GNAL: variants seen among roughly 807,000 people sequenced by gnomAD.
GNAL encodes guanine nucleotide-binding protein G(olf) subunit alpha.
In GNAL, 18 loss-of-function variants were observed where a neutral mutation model predicts 55.1. That is an observed-to-expected ratio of 0.33 (90% CI 0.23 to 0.48). The LOEUF (loss-of-function observed/expected upper bound fraction) is 0.48. Among genes scored for constraint, GNAL ranks in the 20% least tolerant of loss-of-function variants. The pLI is 0.99. For synonymous variants in GNAL, 253 were observed against 237.0 expected (o/e 1.07, Z -0.62); for missense variants, 412 against 614.1 (o/e 0.67, Z 3.48).
intron 1 of GNAL, among the ~76,000 whole-genome samples, chr18:11,706,771 T>A (rs1217073361): frequency 6.6e-6 from 1 of 152,222 alleles, no homozygotes; most frequent in Non-Finnish European, 1.5e-5. Context: ...TAACATTGTA[T>A]CCTGAGATTG....
At chr18:11,779,857 C>T (rs1252002698) in intron 4 of GNAL, among the ~76,000 whole-genome samples, 3 of 152,156 alleles carry the variant, frequency 2.0e-5, no homozygotes, top group African/African-American at 4.8e-5. Context: ...TTCCTTGCCT[C>T]ATACTACAAA....
intron 11 of GNAL, among the ~76,000 whole-genome samples, chr18:11,877,440 G>A (rs1334144912): frequency 6.6e-6 from 1 of 151,842 alleles, no homozygotes; most frequent in African/African-American, 2.4e-5. Flanking sequence ...GGCCGACAGA[G>A]CGAGACTCTG....
At chr18:11,699,716 C>T (rs529039208) in intron 1 of GNAL, among the ~76,000 whole-genome samples, 5 of 152,260 alleles carry the variant, frequency 3.3e-5, no homozygotes, top group South Asian at 2.1e-4. Flanking sequence ...GGACAGACAG[C>T]GCACAGAGGA....
At chr18:11,873,250 C>T (rs889619957) in intron 10 of GNAL, among the ~76,000 whole-genome samples, 12 of 152,310 alleles carry the variant, frequency 7.9e-5, no homozygotes, top group Admixed American at 6.5e-5. Flanking sequence ...TTTTTATCCT[C>T]AATGAAGAGG....
chr18:11,822,281 C>T (rs578226154), intron 4 of GNAL, among the ~76,000 whole-genome samples: 2 of 152,130 alleles, frequency 1.3e-5, no homozygotes, highest in Non-Finnish European at 2.9e-5. Flanking sequence ...TCCCATCCCC[C>T]CCACCGCCAA....
chr18:11,709,139 C>G (rs922149721), intron 1 of GNAL, among the ~76,000 whole-genome samples: 1 of 152,118 alleles, frequency 6.6e-6, no homozygotes, highest in African/African-American at 2.4e-5. Context: ...TCTGGACTCT[C>G]TATTCTCTTC....
chr18:11,827,751 C>G (rs2035284075), intron 5 of GNAL, among the ~76,000 whole-genome samples: 1 of 152,134 alleles, frequency 6.6e-6, no homozygotes, highest in Non-Finnish European at 1.5e-5. Context: ...ATGGGCAGAT[C>G]ACGAGGTCAG....
At chr18:11,748,488 A>G (rs575844450) in intron 1 of GNAL, among the ~76,000 whole-genome samples, 63 of 151,838 alleles carry the variant, frequency 4.1e-4, no homozygotes, top group African/African-American at 1.5e-3. Context: ...TTATCATTAT[A>G]TTATTAATAT....
At chr18:11,875,577 C>G (rs2036511767) in intron 10 of GNAL, among the ~76,000 whole-genome samples, 1 of 152,030 alleles carries the variant, frequency 6.6e-6, no homozygotes, top group South Asian at 2.1e-4. Context: ...TAGCACCTCC[C>G]CCATCTCTCT....
At chr18:11,828,741 AAAT>A (rs2035310395) in intron 5 of GNAL, among the ~76,000 whole-genome samples, 1 of 152,200 alleles carries the variant, frequency 6.6e-6, no homozygotes, top group Admixed American at 6.5e-5. Context: ...GAATATGTGA[AAAT>A]AAATCATGGA....
intron 1 of GNAL, among the ~76,000 whole-genome samples, chr18:11,747,927 G>A (rs2032727794): frequency 6.6e-6 from 1 of 152,060 alleles, no homozygotes; most frequent in Non-Finnish European, 1.5e-5. Flanking sequence ...GCCGGGGAGC[G>A]CAATGCTGCT....
At chr18:11,697,856 C>T (rs563191402) in intron 1 of GNAL, among the ~76,000 whole-genome samples, 8 of 152,296 alleles carry the variant, frequency 5.3e-5, no homozygotes, top group African/African-American at 1.2e-4. Context: ...GGATGTCCAG[C>T]GGGCAGTGGC....
At chr18:11,703,795 G>GCGCACACACACACACACACA (rs1311432181) in intron 1 of GNAL, among the ~76,000 whole-genome samples, 6 of 141,410 alleles carry the variant, frequency 4.2e-5, no homozygotes, top group African/African-American at 1.6e-4. Context: ...GTGTTGATGG[G>GCGCACACACACACACACACA]CACACACACA....
chr18:11,871,492 G>T (rs1214304642), intron 9 of GNAL, among the ~76,000 whole-genome samples: 1 of 151,988 alleles, frequency 6.6e-6, no homozygotes, highest in Non-Finnish European at 1.5e-5. Flanking sequence ...CTCGTGATCT[G>T]CCCACCTCTG....
intron 1 of GNAL, among the ~76,000 whole-genome samples, chr18:11,738,438 C>T (rs2032503211): frequency 6.6e-6 from 1 of 152,054 alleles, no homozygotes; most frequent in Non-Finnish European, 1.5e-5. Flanking sequence ...ATGGCCTGAC[C>T]TCTGTGAGCA....
intron 1 of GNAL, among the ~76,000 whole-genome samples, chr18:11,698,511 G>T (rs1785697): frequency 7.5e-6 from 1 of 133,926 alleles, no homozygotes; most frequent in African/African-American, 3.4e-5. Context: ...AAAAAAAATA[G>T]AGGGCTGAGA....
chr18:11,826,178 G>A (rs908486201), intron 5 of GNAL, among the ~76,000 whole-genome samples: 3 of 152,122 alleles, frequency 2.0e-5, no homozygotes, highest in Non-Finnish European at 4.4e-5. Context: ...CATGGGATGG[G>A]CCTGAAGCAC....
chr18:11,824,880 C>CT lies in GNAL; in HGVS notation c.625-26dup, dbSNP rs113286306. 0.16 allele frequency: 161,884 copies of CT among 1,016,538 alleles called. 5,106 individuals carry two copies. The highest frequency in any genetic ancestry group is 0.25 in the East Asian group (10,064 of 39,770). 63.0% of individuals were successfully genotyped at this position (1,016,538 alleles called of 1,614,324 possible). A position where few individuals can be genotyped will look rare whatever the true frequency, so the allele number is the denominator to read the frequency against. On this transcript the variant is annotated intron_variant, in intron 4 of 11. Transcript: ENST00000334049. Reference sequence around the variant, plus strand: ...TTTAACTTTTTAAAAGGTTATTACACTTTTTTTTTTTTAATTTGTAACTCT... The same window carrying CT: ...TTTAACTTTTTAAAAGGTTATTACACTTTTTTTTTTTTTAATTTGTAACTCT...
At chr18:11,753,219 T>G (rs1487340588) in intron 2 of GNAL, among the ~76,000 whole-genome samples, 1 of 66,038 alleles carries the variant, frequency 1.5e-5, no homozygotes, top group African/African-American at 1.4e-4. Flanking sequence ...CTCGATATAT[T>G]TTTTTCAATA....
Sources: allele counts gnomAD v4.1 joint callset (sites outside exome capture counted in the v4.1 genomes callset), GRCh38; gene constraint gnomAD v4.1.1; transcripts MANE v1.5; gene names NCBI Gene and HGNC (gene_info 2026-07-23, HGNC 2026-07-21).